The following DTD1 variants were observed in gnomAD, a reference collection of about 807,000 sequenced individuals.
DTD1 encodes the protein D-tyrosyl-tRNA deacylase 1 homolog.
In DTD1, 13 loss-of-function variants were observed where a neutral mutation model predicts 25.6. The ratio of observed to expected loss-of-function variants is 0.51; its 90% CI spans 0.33 to 0.81. The LOEUF (loss-of-function observed/expected upper bound fraction) is 0.81, where lower values mean the gene tolerates loss of function less well. Ranked by LOEUF, DTD1 falls within the 30% of genes least tolerant of loss-of-function variation. The pLI, the probability that DTD1 is intolerant of heterozygous loss-of-function variation, is 0.02. For synonymous variants in DTD1, 110 were observed against 103.6 expected, an observed-to-expected ratio of 1.06 and a Z score of -0.37; for missense variants, 193 against 266.4, an observed-to-expected ratio of 0.72 and a Z score of 1.92.
At chr20:18,761,742 A>G (rs935897114) in intron 5 of DTD1, among the ~76,000 whole-genome samples, 16 of 152,250 alleles carry the variant, frequency 1.1e-4, no homozygotes, top group African/African-American at 3.1e-4. Context: ...TCAAAGGTCA[A>G]TGTGGGGAAC....
intron 1 of DTD1, chr20:18,588,768 T>C: frequency 1.0e-6 from 1 of 985,190 alleles, no homozygotes; most frequent in East Asian, 1.1e-4. Flanking sequence ...CATTTCTCTT[T>C]TTCTTGTGGA....
chr20:18,665,296 C>T (rs2060927505), intron 4 of DTD1, among the ~76,000 whole-genome samples: 1 of 152,134 alleles, frequency 6.6e-6, no homozygotes, highest in Non-Finnish European at 1.5e-5. Context: ...CATTAGAGGC[C>T]CAGGCATCTC....
At chr20:18,677,758 C>T (rs2060981922) in intron 4 of DTD1, among the ~76,000 whole-genome samples, 1 of 152,140 alleles carries the variant, frequency 6.6e-6, no homozygotes, top group African/African-American at 2.4e-5. Flanking sequence ...GAACTAGGTC[C>T]CGAATTCCCT....
intron 5 of DTD1, among the ~76,000 whole-genome samples, chr20:18,748,400 A>G (rs1284035955): frequency 6.6e-6 from 1 of 152,186 alleles, no homozygotes; most frequent in African/African-American, 2.4e-5. Flanking sequence ...GAGTTTTGTT[A>G]CTTTTAAAAT....
chr20:18,683,248 C>A (rs74448085), intron 4 of DTD1, among the ~76,000 whole-genome samples: 176 of 152,250 alleles, frequency 1.2e-3, no homozygotes, highest in Middle Eastern at 3.4e-3. Context: ...AATAGACTAC[C>A]TGTTCATGGA....
intron 4 of DTD1, among the ~76,000 whole-genome samples, chr20:18,743,286 C>T (rs368495894): frequency 1.3e-5 from 2 of 152,312 alleles, no homozygotes. Flanking sequence ...AGCAAGTCAG[C>T]CTTCAGTCTC....
intron 4 of DTD1, among the ~76,000 whole-genome samples, chr20:18,656,810 G>A (rs1431951854): frequency 6.6e-6 from 1 of 152,180 alleles, no homozygotes; most frequent in East Asian, 1.9e-4. Context: ...CTCTCCAAGT[G>A]CATCCTGGAA....
intron 4 of DTD1, among the ~76,000 whole-genome samples, chr20:18,707,674 G>A (rs981781378): frequency 1.3e-5 from 2 of 152,150 alleles, no homozygotes; most frequent in African/African-American, 4.8e-5. Context: ...CTATTGAGGG[G>A]TGAGTCTTAG....
chr20:18,706,146 G>A (rs75457713), intron 4 of DTD1, among the ~76,000 whole-genome samples: 3,416 of 152,286 alleles, frequency 0.022, 73 homozygotes, highest in African/African-American at 0.044. Context: ...GCAGTTGTTG[G>A]TTCAGAGTGG....
chr20:18,600,567 A>ATTTTTTT (rs35019782), intron 3 of DTD1, among the ~76,000 whole-genome samples: 1 of 152,034 alleles, frequency 6.6e-6, no homozygotes, highest in Non-Finnish European at 1.5e-5. Flanking sequence ...CTCTTTTAAT[A>ATTTTTTT]TTTTTTTGAC....
At chr20:18,634,166 A>G (rs980079287) in intron 4 of DTD1, among the ~76,000 whole-genome samples, 4 of 152,282 alleles carry the variant, frequency 2.6e-5, no homozygotes, top group African/African-American at 9.6e-5. Flanking sequence ...TGGTGGCTAG[A>G]TATTGGGAGA....
chr20:18,589,029 C>T (rs2060578153), intron 1 of DTD1: 1 of 365,798 alleles, frequency 2.7e-6, no homozygotes, highest in Non-Finnish European at 3.8e-6. Flanking sequence ...ACCAAATATG[C>T]GTTCTTGTGT....
intron 5 of DTD1, among the ~76,000 whole-genome samples, chr20:18,745,939 G>T (rs982226480): frequency 6.6e-6 from 1 of 152,178 alleles, no homozygotes. Context: ...AGGCCCATTA[G>T]GAGGTGATTG....
rs749598890 is a variant in DTD1 at position 18,588,081 on chromosome 20, C to A, written c.9C>A (p.Ala3=). 1.4e-4 allele frequency: 186 copies of A among 1,371,156 alleles called. 2 individuals are homozygous for A. In the South Asian group the frequency reaches 2.9e-3, roughly 21 times the overall value. The allele number at this position is 1,371,156 out of a possible 1,614,324, so 84.9% of individuals were successfully genotyped here. A position where few individuals can be genotyped will look rare whatever the true frequency, so the allele number is the denominator to read the frequency against. ...TCGCCCCAGCCGCCGCCATGAAGGCCGTGGTGCAGCGCGTCACCCGGGCCA... is the reference window on the plus strand; with the variant it reads ...TCGCCCCAGCCGCCGCCATGAAGGCAGTGGTGCAGCGCGTCACCCGGGCCA... MK[A]VVQRVTRASV... Residue 3 remains alanine (A), a synonymous_variant, in exon 1 of 6, where the codon GCC becomes GCA. Transcript: ENST00000377452.
intron 4 of DTD1, among the ~76,000 whole-genome samples, chr20:18,721,992 A>G (rs2061205465): frequency 6.6e-6 from 1 of 152,192 alleles, no homozygotes; most frequent in South Asian, 2.1e-4. Flanking sequence ...CCAGGGCTCC[A>G]TGAGGACCTT....
intron 5 of DTD1, among the ~76,000 whole-genome samples, chr20:18,758,056 C>T (rs1460998041): frequency 2.0e-5 from 3 of 152,174 alleles, no homozygotes; most frequent in Non-Finnish European, 2.9e-5. Context: ...AGTTTATTTG[C>T]ATGGAGGTGT....
chr20:18,649,622 C>T (rs561730430), intron 4 of DTD1, among the ~76,000 whole-genome samples: 19 of 152,238 alleles, frequency 1.2e-4, no homozygotes, highest in African/African-American at 3.4e-4. Flanking sequence ...TCTTAGAACA[C>T]CATTGCTCTT....
rs1325376247 is a variant in DTD1 at position 18,589,815 on chromosome 20, A to C, written c.43+1700A>C. 2.0e-5 allele frequency among the ~76,000 whole-genome samples: 3 copies of C among 152,206 alleles called. No individual in the cohort carries two copies. The East Asian group carries it at 5.8e-4, about 29-fold the overall frequency. ...TTGGGTTATTTTGGTTCACTATTTAAGTTATATGCTTTCAGTTAAAACAAC... is the reference window on the plus strand; with the variant it reads ...TTGGGTTATTTTGGTTCACTATTTACGTTATATGCTTTCAGTTAAAACAAC... On this transcript the variant is annotated intron_variant, in intron 1 of 5. Coordinates refer to ENST00000377452, the MANE Select transcript of DTD1 (RefSeq NM_080820.6).
intron 5 of DTD1, among the ~76,000 whole-genome samples, chr20:18,748,717 G>C (rs770632233): frequency 9.9e-5 from 15 of 152,218 alleles, no homozygotes; most frequent in Non-Finnish European, 2.1e-4. Context: ...AAGTTTACGA[G>C]GGGAATTCTC....
Sources: allele counts gnomAD v4.1 joint callset (sites outside exome capture counted in the v4.1 genomes callset), GRCh38; gene constraint gnomAD v4.1.1; transcripts MANE v1.5; gene names NCBI Gene and HGNC (gene_info 2026-07-23, HGNC 2026-07-21).